Variants in UQCC1 observed in about 807,000 individuals in gnomAD.
The protein encoded by UQCC1 is ubiquinol-cytochrome c reductase complex assembly factor 1.
A neutral mutation model predicts 48.0 loss-of-function variants in UQCC1; 38 were observed. That is an observed-to-expected ratio of 0.79 (90% CI 0.61 to 1.04). The LOEUF (loss-of-function observed/expected upper bound fraction) is 1.04, where lower values mean the gene tolerates loss of function less well. Among genes scored for constraint, UQCC1 ranks in the 50% least tolerant of loss-of-function variants. UQCC1 has a pLI of 0.00. For synonymous variants in UQCC1, 111 were observed against 129.2 expected, an observed-to-expected ratio of 0.86 and a Z score of 0.95; for missense variants, 368 against 381.8, an observed-to-expected ratio of 0.96 and a Z score of 0.30.
intron 2 of UQCC1, among the ~76,000 whole-genome samples, chr20:35,389,557 C>T (rs1235753421): frequency 2.0e-5 from 3 of 148,324 alleles, no homozygotes; most frequent in African/African-American, 5.0e-5. Flanking sequence ...AGTGAGACTC[C>T]GTCTCAAAAA....
chr20:35,327,470 A>G (rs138857413), intron 7 of UQCC1, among the ~76,000 whole-genome samples: 266 of 152,344 alleles, frequency 1.7e-3, no homozygotes, highest in African/African-American at 6.2e-3. Flanking sequence ...TCACTTGGCT[A>G]ATAAATGGTC....
At chr20:35,402,317 G>A (rs529628511) in intron 1 of UQCC1, among the ~76,000 whole-genome samples, 18 of 152,210 alleles carry the variant, frequency 1.2e-4, no homozygotes, top group Admixed American at 3.3e-4. Flanking sequence ...GGTGGCTTAC[G>A]CCTGTAATCC....
intron 6 of UQCC1, among the ~76,000 whole-genome samples, chr20:35,353,640 A>G (rs1258574527): frequency 1.3e-5 from 2 of 151,980 alleles, no homozygotes; most frequent in Non-Finnish European, 2.9e-5. Flanking sequence ...AAAAACGTAA[A>G]AATTAGCCAA....
At chr20:35,338,886 A>ATATATATATATAT (rs1448648931) in intron 7 of UQCC1, among the ~76,000 whole-genome samples, 2 of 56,752 alleles carry the variant, frequency 3.5e-5, no homozygotes, top group African/African-American at 4.7e-4. Context: ...AAAAAAAAAA[A>ATATATATATATAT]AAAAAAATAT....
chr20:35,334,965 G>A lies in UQCC1; in HGVS notation c.573+12199C>T, dbSNP rs371434388. On this transcript the variant is annotated intron_variant, in intron 7 of 9. Transcript: ENST00000374385. ...TCAGGCTTACCCGAAGAGTGGCCAG[G>A]CCAGGCAGAACTCGTTCCATTATGC... Among the ~76,000 whole-genome samples the A allele has an allele frequency of 3.3e-5, 5 of 152,158 alleles. No individual in the cohort carries two copies. In the East Asian group the frequency reaches 9.6e-4, roughly 29 times the overall value.
At chr20:35,321,312 G>C (rs550434581) in intron 7 of UQCC1, among the ~76,000 whole-genome samples, 1 of 151,800 alleles carries the variant, frequency 6.6e-6, no homozygotes, top group Non-Finnish European at 1.5e-5. Flanking sequence ...GCTCAGGCAC[G>C]CATGCATATT....
At chr20:35,387,518 T>A (rs191718645) in intron 2 of UQCC1, among the ~76,000 whole-genome samples, 58 of 152,156 alleles carry the variant, frequency 3.8e-4, no homozygotes, top group Non-Finnish European at 6.8e-4. Flanking sequence ...AGGTGGATTT[T>A]TTTTTTTTTT....
rs2061379293 is a variant in UQCC1 at position 35,341,578 on chromosome 20, G to A, written c.573+5586C>T. The stretch of plus-strand genomic sequence containing the variant: ...TTTGGAGACAGATGTACGTGATCCT[G>A]CACCACAGGAATTCACCTGGAAGAC... On this transcript the variant is annotated intron_variant, in intron 7 of 9. Transcript: ENST00000374385. Among the ~76,000 whole-genome samples, 3 of 152,296 alleles carry A rather than the reference G, an allele frequency of 2.0e-5. No homozygotes were observed. The South Asian group carries it at 6.2e-4, about 32-fold the overall frequency.
intron 5 of UQCC1, among the ~76,000 whole-genome samples, chr20:35,366,935 A>G (rs1388808798): frequency 6.6e-6 from 1 of 151,926 alleles, no homozygotes; most frequent in Non-Finnish European, 1.5e-5. Flanking sequence ...CTCTACTAAA[A>G]ATACAAAAAT....
At chr20:35,347,710 A>G (rs1431862444) in intron 6 of UQCC1, among the ~76,000 whole-genome samples, 3 of 152,218 alleles carry the variant, frequency 2.0e-5, no homozygotes, top group Admixed American at 1.3e-4. Flanking sequence ...GTGCTGTCCA[A>G]TACAGTGGCT....
intron 4 of UQCC1, among the ~76,000 whole-genome samples, chr20:35,380,845 A>G (rs2061857540): frequency 6.6e-6 from 1 of 152,018 alleles, no homozygotes; most frequent in African/African-American, 2.4e-5. Context: ...ATTTGGGGGG[A>G]TTTTGGATGC....
intron 7 of UQCC1, among the ~76,000 whole-genome samples, chr20:35,316,236 G>A (rs1037446901): frequency 1.3e-5 from 2 of 152,142 alleles, no homozygotes; most frequent in African/African-American, 2.4e-5. Flanking sequence ...CAACTCTGAC[G>A]GTGACCATGC....
At chr20:35,321,274 G>A (rs2061123041) in intron 7 of UQCC1, among the ~76,000 whole-genome samples, 1 of 149,344 alleles carries the variant, frequency 6.7e-6, no homozygotes, top group Non-Finnish European at 1.5e-5. Context: ...GTGTGTGTGT[G>A]TGTGTGTGTG....
chr20:35,331,544 CA>C (rs1463421064), intron 7 of UQCC1, among the ~76,000 whole-genome samples: 3 of 152,148 alleles, frequency 2.0e-5, no homozygotes, highest in Non-Finnish European at 2.9e-5. Context: ...ACCCTCCTTT[CA>C]AAGGGCTCCA....
At chr20:35,350,214 A>G (rs1290080338) in intron 6 of UQCC1, among the ~76,000 whole-genome samples, 1 of 152,076 alleles carries the variant, frequency 6.6e-6, no homozygotes, top group Non-Finnish European at 1.5e-5. Context: ...TGTAACTTCA[A>G]ATTCTTGGAC....
intron 5 of UQCC1, 77 bp downstream of exon 5, chr20:35,374,107 C>A: frequency 8.5e-7 from 1 of 1,173,172 alleles, no homozygotes; most frequent in Non-Finnish European, 1.2e-6. Context: ...CTAAAAAAAC[C>A]TATCCTATTA....
chr20:35,399,320 G>A (rs781158048), intron 1 of UQCC1, among the ~76,000 whole-genome samples: 2 of 152,178 alleles, frequency 1.3e-5, no homozygotes, highest in Non-Finnish European at 2.9e-5. Flanking sequence ...TCAAAAGCTT[G>A]CAGTGGTTTC....
rs1018310342 is a variant in UQCC1 at position 35,348,495 on chromosome 20, T to C, written c.465-1223A>G. On this transcript the variant is annotated intron_variant, in intron 6 of 9. Coordinates refer to ENST00000374385, the MANE Select transcript of UQCC1 (RefSeq NM_018244.5). Reference sequence around the variant, plus strand: ...AGCTCTGCCTCCCGGGTTCTTGCCATTCTCCTGCTTCAGCCTCCCAAGCAG... The same window carrying C: ...AGCTCTGCCTCCCGGGTTCTTGCCACTCTCCTGCTTCAGCCTCCCAAGCAG... 3.9e-5 allele frequency among the ~76,000 whole-genome samples: 6 copies of C among 152,122 alleles called. No individual in the cohort carries two copies. In the East Asian group the frequency reaches 1.2e-3, roughly 29 times the overall value.
In UQCC1 at chr20:35,408,322, G is replaced by A. The variant is rs543838792; in HGVS notation, c.24+3618C>T. ...CACACACCTGTAGTCCCAGCTACTC[G>A]GGAGGCTAAGATGAGAGGATTACTT... On this transcript the variant is annotated intron_variant, in intron 1 of 9. Coordinates refer to ENST00000374385, the MANE Select transcript of UQCC1 (RefSeq NM_018244.5). Among the ~76,000 whole-genome samples, 188 of 151,850 alleles carry A rather than the reference G, an allele frequency of 1.2e-3. 3 individuals are homozygous for A. The South Asian group carries it at 0.024, about 19-fold the overall frequency.
Sources: gnomAD v4.1 joint callset for allele counts (sites outside exome capture counted in the v4.1 genomes callset) on GRCh38, gnomAD v4.1.1 for gene constraint, MANE v1.5 for transcripts, NCBI Gene and HGNC (gene_info 2026-07-23, HGNC 2026-07-21) for gene names.